BTBD9: variants seen among roughly 807,000 people sequenced by gnomAD.
The protein encoded by BTBD9 is BTB domain containing 9, also known as BTB/POZ domain-containing protein 9.
A neutral mutation model predicts 64.3 loss-of-function variants in BTBD9; 49 were observed. The observed-to-expected ratio is 0.76, with a 90% CI of 0.61 to 0.97. BTBD9 has a LOEUF of 0.97. BTBD9 is among the 50% of genes least tolerant of loss of function. The pLI, the probability that BTBD9 is intolerant of heterozygous loss-of-function variation, is 0.00. For missense variants in BTBD9, 598 were observed against 762.1 expected (o/e 0.78, Z 2.53); for synonymous variants, 260 against 274.7 (o/e 0.95, Z 0.53).
intron 6 of BTBD9, among the ~76,000 whole-genome samples, chr6:38,556,751 T>A (rs1214936125): frequency 6.6e-6 from 1 of 151,460 alleles, no homozygotes; most frequent in Non-Finnish European, 1.5e-5. Flanking sequence ...GCGCGGTGGA[T>A]CATGCCTGTA....
chr6:38,548,349 C>T (rs542970362), intron 6 of BTBD9, among the ~76,000 whole-genome samples: 1 of 152,306 alleles, frequency 6.6e-6, no homozygotes, highest in African/African-American at 2.4e-5. Context: ...CATCTCTCTT[C>T]GAAGTCTATT....
At chr6:38,375,938 AG>A (rs1562098196) in intron 6 of BTBD9, among the ~76,000 whole-genome samples, 4 of 104,650 alleles carry the variant, frequency 3.8e-5, no homozygotes, top group African/African-American at 1.7e-4. Flanking sequence ...AAAGAAAGAA[AG>A]AAGGAAAGAA....
chr6:38,180,311 C>T (rs568026672), intron 10 of BTBD9, among the ~76,000 whole-genome samples: 22 of 152,110 alleles, frequency 1.4e-4, no homozygotes, highest in Non-Finnish European at 2.8e-4. Context: ...TGGGGCTGGG[C>T]GTGAAGCTGC....
chr6:38,333,907 G>T (rs1763778502), intron 7 of BTBD9, among the ~76,000 whole-genome samples: 1 of 152,114 alleles, frequency 6.6e-6, no homozygotes. Flanking sequence ...GAACAGCCTG[G>T]AGGGCTCAGA....
At chr6:38,553,137 ATTGTT>A (rs1248207559) in intron 6 of BTBD9, among the ~76,000 whole-genome samples, 1 of 152,062 alleles carries the variant, frequency 6.6e-6, no homozygotes, top group Non-Finnish European at 1.5e-5. Context: ...TTTAAATTGT[ATTGTT>A]ATTTTTATTG....
intron 6 of BTBD9, among the ~76,000 whole-genome samples, chr6:38,493,422 T>TA (rs1213213192): frequency 1.3e-5 from 2 of 152,216 alleles, no homozygotes; most frequent in Non-Finnish European, 2.9e-5. Flanking sequence ...TTGGGAGGAA[T>TA]ACTGAGGTTC....
intron 9 of BTBD9, among the ~76,000 whole-genome samples, chr6:38,246,669 C>T (rs9349061): frequency 0.11 from 15,834 of 149,536 alleles, 1,243 homozygotes; most frequent in East Asian, 0.48. Context: ...TGTAGAAAAA[C>T]GGAATTAAGT....
intron 6 of BTBD9, among the ~76,000 whole-genome samples, chr6:38,538,127 T>G (rs1172093545): frequency 6.6e-6 from 1 of 152,228 alleles, no homozygotes; most frequent in South Asian, 2.1e-4. Flanking sequence ...CAGACCCACA[T>G]GTTAGAATCC....
intron 6 of BTBD9, among the ~76,000 whole-genome samples, chr6:38,409,501 T>A (rs1346198639): frequency 6.6e-6 from 1 of 152,166 alleles, no homozygotes; most frequent in Non-Finnish European, 1.5e-5. Context: ...TGTTTACTGA[T>A]TAAGAATTTC....
intron 6 of BTBD9, among the ~76,000 whole-genome samples, chr6:38,564,626 C>T (rs2748171): frequency 0.49 from 74,218 of 151,974 alleles, 19,738 homozygotes; most frequent in African/African-American, 0.71. Flanking sequence ...CGGTGACTCA[C>T]GCCTGTAATC....
chr6:38,192,754 G>A (rs1266788891), intron 9 of BTBD9, among the ~76,000 whole-genome samples, 157 bp from the exon 10 acceptor site: 1 of 152,098 alleles, frequency 6.6e-6, no homozygotes, highest in Non-Finnish European at 1.5e-5. Context: ...CTAACGTATG[G>A]CTGAGAGAGG....
intron 6 of BTBD9, among the ~76,000 whole-genome samples, chr6:38,534,504 G>C (rs572395971): frequency 6.7e-6 from 1 of 148,644 alleles, no homozygotes; most frequent in Non-Finnish European, 1.5e-5. Flanking sequence ...GAGGAGGAGG[G>C]AATACTTCCA....
At chr6:38,635,523 C>T (rs1778499530) in intron 1 of BTBD9, among the ~76,000 whole-genome samples, 2 of 152,162 alleles carry the variant, frequency 1.3e-5, no homozygotes, top group African/African-American at 4.8e-5. Flanking sequence ...ACATGATTCC[C>T]CAATGCAACA....
At chr6:38,559,497 A>G (rs575797677) in intron 6 of BTBD9, among the ~76,000 whole-genome samples, 2 of 152,346 alleles carry the variant, frequency 1.3e-5, no homozygotes, top group Admixed American at 1.3e-4. Context: ...AAATGGCCAT[A>G]CTGCCCAATG....
chr6:38,553,486 T>C (rs920345052), intron 6 of BTBD9, among the ~76,000 whole-genome samples: 2 of 152,306 alleles, frequency 1.3e-5, no homozygotes, highest in South Asian at 2.1e-4. Flanking sequence ...AAGAACAAAC[T>C]GGTTATCCCT....
At chr6:38,299,473 A>G (rs1762300999) in intron 7 of BTBD9, among the ~76,000 whole-genome samples, 1 of 152,210 alleles carries the variant, frequency 6.6e-6, no homozygotes, top group Non-Finnish European at 1.5e-5. Context: ...AGCCCCATCA[A>G]CAGTGTAAAA....
intron 7 of BTBD9, among the ~76,000 whole-genome samples, chr6:38,315,929 T>C (rs529808417): frequency 1.3e-5 from 2 of 152,340 alleles, no homozygotes; most frequent in African/African-American, 4.8e-5. Context: ...CTAGCTATCA[T>C]TGTATTAGAG....
At chr6:38,215,518 G>A (rs1199143387) in intron 9 of BTBD9, among the ~76,000 whole-genome samples, 1 of 152,194 alleles carries the variant, frequency 6.6e-6, no homozygotes, top group African/African-American at 2.4e-5. Context: ...GCTGGATGAC[G>A]TCGCACATAC....
At chr6:38,395,170 C>A (rs373318104) in intron 6 of BTBD9, among the ~76,000 whole-genome samples, 4 of 152,072 alleles carry the variant, frequency 2.6e-5, no homozygotes, top group Non-Finnish European at 5.9e-5. Flanking sequence ...GTGGTTCACA[C>A]CCATAATCCT....
Sources: gnomAD v4.1 joint callset for allele counts (sites outside exome capture counted in the v4.1 genomes callset) on GRCh38, gnomAD v4.1.1 for gene constraint, MANE v1.5 for transcripts, NCBI Gene and HGNC (gene_info 2026-07-23, HGNC 2026-07-21) for gene names.